Variants in WBP1L observed in about 807,000 individuals in gnomAD.
WBP1L encodes the protein WW domain binding protein 1-like.
A neutral mutation model predicts 33.7 loss-of-function variants in WBP1L; 17 were observed. The ratio of observed to expected loss-of-function variants is 0.50; its 90% confidence interval spans 0.34 to 0.76. WBP1L has a LOEUF of 0.76. Ranked by LOEUF, WBP1L falls within the 30% of genes least tolerant of loss-of-function variation. The pLI is 0.01. For missense variants in WBP1L, 389 were observed against 469.4 expected, an observed-to-expected ratio of 0.83 and a Z score of 1.58; for synonymous variants, 173 against 190.8, an observed-to-expected ratio of 0.91 and a Z score of 0.77.
intron 1 of WBP1L, among the ~76,000 whole-genome samples, chr10:102,791,275 C>T (rs1843493923): frequency 6.6e-6 from 1 of 151,804 alleles, no homozygotes; most frequent in Non-Finnish European, 1.5e-5. Flanking sequence ...CTTGCAAGTT[C>T]AGCTTTGTAA....
At chr10:102,773,526 G>GT (rs59935077) in intron 1 of WBP1L, among the ~76,000 whole-genome samples, 70,764 of 151,232 alleles carry the variant, frequency 0.47, 17,640 homozygotes, top group East Asian at 0.77. Flanking sequence ...ATTTTTACAA[G>GT]TTTTTTTTTG....
intron 1 of WBP1L, among the ~76,000 whole-genome samples, chr10:102,748,681 A>G: frequency 1.3e-5 from 2 of 152,332 alleles, no homozygotes; most frequent in South Asian, 4.1e-4. Flanking sequence ...TCAAATGAGT[A>G]TGGAATCCCT....
At chr10:102,783,465 C>T (rs577385455) in intron 1 of WBP1L, among the ~76,000 whole-genome samples, 6 of 152,270 alleles carry the variant, frequency 3.9e-5, no homozygotes, top group African/African-American at 1.2e-4. Flanking sequence ...GGTAGGTATG[C>T]TTGTGAGACT....
chr10:102,753,724 C>T (rs1842945107), intron 1 of WBP1L, among the ~76,000 whole-genome samples: 1 of 152,112 alleles, frequency 6.6e-6, no homozygotes, highest in South Asian at 2.1e-4. Context: ...AGTTTTGATT[C>T]AAGATCTCAG....
chr10:102,790,423 AT>A (rs1843479216), intron 1 of WBP1L, among the ~76,000 whole-genome samples: 1 of 152,048 alleles, frequency 6.6e-6, no homozygotes, highest in Admixed American at 6.6e-5. Context: ...TTATCCTGCT[AT>A]TTGTTGAATT....
chr10:102,760,763 TC>T (rs1843028896), intron 1 of WBP1L, among the ~76,000 whole-genome samples: 1 of 152,148 alleles, frequency 6.6e-6, no homozygotes, highest in Non-Finnish European at 1.5e-5. Context: ...CAGAGAAGGC[TC>T]CCCGCTCGTT....
chr10:102,780,741 A>C (rs1843324164), intron 1 of WBP1L, among the ~76,000 whole-genome samples: 2 of 152,220 alleles, frequency 1.3e-5, no homozygotes, highest in Non-Finnish European at 2.9e-5. Flanking sequence ...AGAGGTGTGA[A>C]GAGGCAACCC....
chr10:102,779,117 T>C (rs1171898850), intron 1 of WBP1L, among the ~76,000 whole-genome samples: 1 of 151,830 alleles, frequency 6.6e-6, no homozygotes, highest in Admixed American at 6.6e-5. Context: ...ATTGTTCTCC[T>C]TGGGGCATGT....
chr10:102,755,778 G>A (rs1291360226), intron 1 of WBP1L, among the ~76,000 whole-genome samples: 1 of 152,020 alleles, frequency 6.6e-6, no homozygotes, highest in Admixed American at 6.5e-5. Flanking sequence ...GGGCGCGGTG[G>A]CTCATGCCTG....
intron 1 of WBP1L, among the ~76,000 whole-genome samples, chr10:102,761,693 T>TG (rs1843044173): frequency 6.6e-6 from 1 of 151,936 alleles, no homozygotes; most frequent in Non-Finnish European, 1.5e-5. Flanking sequence ...CCTGATCTCG[T>TG]GATACACCCA....
intron 2 of WBP1L, among the ~76,000 whole-genome samples, chr10:102,808,898 C>G (rs1283777493): frequency 6.6e-6 from 1 of 152,004 alleles, no homozygotes; most frequent in African/African-American, 2.4e-5. Context: ...AGCATTTTCT[C>G]AGAAATCTCT....
chr10:102,793,331 G>A (rs887503634), intron 1 of WBP1L, among the ~76,000 whole-genome samples: 8 of 152,154 alleles, frequency 5.3e-5, no homozygotes, highest in African/African-American at 1.7e-4. Context: ...TGTAGTCCTA[G>A]CTACTCGGGA....
intron 1 of WBP1L, among the ~76,000 whole-genome samples, chr10:102,791,776 CT>C (rs1843501981): frequency 6.6e-6 from 1 of 152,208 alleles, no homozygotes; most frequent in Admixed American, 6.5e-5. Flanking sequence ...TTATTTTTCA[CT>C]CTTAAACTTT....
chr10:102,809,083 T>TTGTTC lies in WBP1L; in HGVS notation c.194-806_194-805insCTGTT, dbSNP rs1201409425. On this transcript the variant is annotated intron_variant, in intron 2 of 3. Coordinates refer to ENST00000448841, the MANE Select transcript of WBP1L (RefSeq NM_001083913.2). Reference sequence around the variant, plus strand: ...CCTGCTTTGCTGTCATCATTCTGTTTTGTTTTGTTTTGTTTTGTGACGGTG... The same window carrying TTGTTC: ...CCTGCTTTGCTGTCATCATTCTGTTTTGTTCTGTTTTGTTTTGTTTTGTGACGGTG... Among the ~76,000 whole-genome samples, 3 of 151,738 alleles carry TTGTTC rather than the reference T, an allele frequency of 2.0e-5. No individual in the cohort carries two copies. In the East Asian group the frequency reaches 5.8e-4, roughly 29 times the overall value.
At chr10:102,781,592 G>T (rs939725360) in intron 1 of WBP1L, among the ~76,000 whole-genome samples, 1 of 152,074 alleles carries the variant, frequency 6.6e-6, no homozygotes, top group Non-Finnish European at 1.5e-5. Context: ...GCAGAGGACC[G>T]AATGTTGACT....
chr10:102,796,074 A>G (rs1843569366), intron 1 of WBP1L, among the ~76,000 whole-genome samples: 1 of 152,074 alleles, frequency 6.6e-6, no homozygotes, highest in Non-Finnish European at 1.5e-5. Flanking sequence ...AATGGCATAC[A>G]TGGCCAGTAG....
At position 102,813,237 on chromosome 10, in the gene WBP1L, A is replaced by G; in HGVS notation, c.998A>G (p.His333Arg). Residue 333 changes from histidine to arginine, a missense_variant, in exon 4 of 4, where the codon CAC becomes CGC. Physicochemically the swap from His to Arg is conservative, Grantham distance 29. Coordinates refer to ENST00000448841, the MANE Select transcript of WBP1L (RefSeq NM_001083913.2). ...SSEEQAREPG[H>R]PHLPRPPACL... ...GAGGAGCAGGCTCGAGAGCCTGGGC[A>G]CCCGCACCTGCCACGGCCGCCCGCA... 1 of 1,611,404 alleles carries G rather than the reference A, an allele frequency of 6.2e-7. No homozygotes were observed. The highest frequency in any genetic ancestry group is 2.2e-5 in the East Asian group (1 of 44,778).
Position 102,809,987 on chromosome 10 carries a change from G to A in WBP1L, c.288G>A (p.Arg96=), listed in dbSNP as rs771053046. Residue 96 remains arginine, a synonymous_variant, in exon 3 of 4, where the codon CGG becomes CGA. Coordinates refer to ENST00000448841, the MANE Select transcript of WBP1L (RefSeq NM_001083913.2). ...AGCACCGCCTTCAGGCCCAGCAGCG[G>A]CAACATGAAATCAACCTGATCGCTT... ...RAKHRLQAQQ[R]QHEINLIAYR... The A allele has an allele frequency of 1.2e-6, 2 of 1,613,980 alleles. No individual in the cohort carries two copies. The highest frequency in any genetic ancestry group is 2.2e-5 in the South Asian group (2 of 91,086).
At chr10:102,811,317 G>A (rs1843839562) in intron 3 of WBP1L, among the ~76,000 whole-genome samples, 1 of 152,066 alleles carries the variant, frequency 6.6e-6, no homozygotes, top group African/African-American at 2.4e-5. Flanking sequence ...AAAGGGGCGG[G>A]TTGGGGGGTG....
Sources: gnomAD v4.1 joint callset for allele counts (sites outside exome capture counted in the v4.1 genomes callset) on GRCh38, gnomAD v4.1.1 for gene constraint, MANE v1.5 for transcripts, NCBI Gene and HGNC (gene_info 2026-07-23, HGNC 2026-07-21) for gene names.